Variants in MDGA2 observed in about 807,000 individuals in gnomAD.
MDGA2 encodes MAM domain-containing glycosylphosphatidylinositol anchor protein 2.
In MDGA2, 40 loss-of-function variants were observed where a neutral mutation model predicts 117.8. That is an observed-to-expected ratio of 0.34 (90% CI 0.26 to 0.44). The LOEUF is 0.44. MDGA2 is among the 20% of genes least tolerant of loss of function. The pLI, the probability that MDGA2 is intolerant of heterozygous loss-of-function variation, is 1.00. For missense variants in MDGA2, 1,123 were observed against 1,250.6 expected (o/e 0.90, Z 1.54); for synonymous variants, 452 against 439.0 (o/e 1.03, Z -0.37).
At chr14:47,133,974 T>G (rs1882332998) in intron 4 of MDGA2, among the ~76,000 whole-genome samples, 1 of 152,052 alleles carries the variant, frequency 6.6e-6, no homozygotes, top group East Asian at 1.9e-4. Flanking sequence ...ACCAATATTT[T>G]TTTCAGCTTT....
intron 8 of MDGA2, among the ~76,000 whole-genome samples, chr14:46,994,461 G>T (rs557610709): frequency 6.6e-6 from 1 of 151,780 alleles, no homozygotes; most frequent in South Asian, 2.1e-4. Flanking sequence ...CTAACTCCTG[G>T]GCAGAAGTGC....
At chr14:47,240,399 C>T (rs1042496826) in intron 2 of MDGA2, among the ~76,000 whole-genome samples, 1 of 151,556 alleles carries the variant, frequency 6.6e-6, no homozygotes. Context: ...TTTCTTGAAC[C>T]GGGTTATAGG....
At chr14:47,068,775 GA>G in intron 6 of MDGA2, among the ~76,000 whole-genome samples, 1 of 152,234 alleles carries the variant, frequency 6.6e-6, no homozygotes, top group South Asian at 2.1e-4. Flanking sequence ...AAATCCTTTT[GA>G]AAATAGTACA....
At chr14:47,241,109 C>T (rs1233093157) in intron 2 of MDGA2, among the ~76,000 whole-genome samples, 1 of 151,820 alleles carries the variant, frequency 6.6e-6, no homozygotes, top group Non-Finnish European at 1.5e-5. Context: ...AGGAGATGGG[C>T]TTTCAGAGTC....
At chr14:47,508,124 T>C (rs112374296) in intron 1 of MDGA2, among the ~76,000 whole-genome samples, 2 of 152,344 alleles carry the variant, frequency 1.3e-5, no homozygotes, top group African/African-American at 4.8e-5. Context: ...AACATAAGGA[T>C]AGCTACTTTT....
chr14:47,318,558 A>AT (rs1210664882), intron 1 of MDGA2, among the ~76,000 whole-genome samples: 6 of 152,118 alleles, frequency 3.9e-5, no homozygotes, highest in Admixed American at 3.9e-4. Context: ...TTTTACACAC[A>AT]TATCTGTGAT....
chr14:47,216,181 G>C (rs76587619), intron 3 of MDGA2, among the ~76,000 whole-genome samples: 4 of 152,184 alleles, frequency 2.6e-5, no homozygotes, highest in East Asian at 1.9e-4. Context: ...AAGGAAAAGA[G>C]AAAAATATTT....
intron 1 of MDGA2, among the ~76,000 whole-genome samples, chr14:47,625,882 T>C (rs1897130848): frequency 6.6e-6 from 1 of 152,248 alleles, no homozygotes; most frequent in Non-Finnish European, 1.5e-5. Flanking sequence ...CCCAATGACT[T>C]AGCCTTTGCC....
At position 46,916,777 on chromosome 14, in the gene MDGA2, T is replaced by A. The variant is rs117466653; in HGVS notation, c.2238+3235A>T. Among the ~76,000 whole-genome samples, 154 of 152,076 alleles carry A rather than the reference T, an allele frequency of 1.0e-3. 4 individuals are homozygous for A. In the East Asian group the frequency reaches 0.028, roughly 28 times the overall value. On this transcript the variant is annotated intron_variant, in intron 10 of 16. Transcript: ENST00000399232. ...TATTGAGACATCCCTGAAAGATACA[T>A]CAAAGTTTTCTCTCCCATGGAAAGA...
chr14:46,966,814 G>A (rs192388558), intron 8 of MDGA2, among the ~76,000 whole-genome samples: 67 of 151,434 alleles, frequency 4.4e-4, no homozygotes, highest in Non-Finnish European at 8.1e-4. Flanking sequence ...TAAATACTTA[G>A]TTCTAATATT....
intron 1 of MDGA2, among the ~76,000 whole-genome samples, chr14:47,379,334 C>A (rs1009311651): frequency 6.6e-6 from 1 of 152,168 alleles, no homozygotes; most frequent in African/African-American, 2.4e-5. Flanking sequence ...AACCAGTTAA[C>A]GTCATAATGA....
intron 1 of MDGA2, among the ~76,000 whole-genome samples, chr14:47,449,479 T>G (rs1893195019): frequency 6.6e-6 from 1 of 152,168 alleles, no homozygotes; most frequent in Non-Finnish European, 1.5e-5. Flanking sequence ...ACTGTTTTAT[T>G]TCAAAGGAGC....
chr14:47,100,824 G>A (rs549784024), intron 5 of MDGA2, among the ~76,000 whole-genome samples: 2 of 152,164 alleles, frequency 1.3e-5, no homozygotes, highest in African/African-American at 4.8e-5. Context: ...GTCAAATTGT[G>A]GCTCCAATTA....
At chr14:47,597,877 C>CAA (rs903050634) in intron 1 of MDGA2, among the ~76,000 whole-genome samples, 2 of 148,424 alleles carry the variant, frequency 1.3e-5, no homozygotes, top group Admixed American at 6.7e-5. Context: ...CACACACACA[C>CAA]ACACACAAAA....
At chr14:47,007,217 G>C (rs1320883113) in intron 8 of MDGA2, among the ~76,000 whole-genome samples, 1 of 151,786 alleles carries the variant, frequency 6.6e-6, no homozygotes, top group Non-Finnish European at 1.5e-5. Context: ...AGAGATACCT[G>C]ATGGTGAATA....
intron 8 of MDGA2, chr14:46,996,829 C>T (rs762335041): frequency 1.9e-5 from 4 of 205,136 alleles, no homozygotes; most frequent in Non-Finnish European, 3.0e-5. Context: ...TAACATCATG[C>T]CCCTCAAGGA....
chr14:47,609,718 G>A (rs892356698), intron 1 of MDGA2, among the ~76,000 whole-genome samples: 1 of 151,280 alleles, frequency 6.6e-6, no homozygotes, highest in Non-Finnish European at 1.5e-5. Context: ...GTGTAGAAGT[G>A]TTCCCCAATC....
At chr14:47,048,439 G>GA (rs1255016684) in intron 7 of MDGA2, among the ~76,000 whole-genome samples, 5 of 151,988 alleles carry the variant, frequency 3.3e-5, no homozygotes, top group Non-Finnish European at 5.9e-5. Context: ...AGAATGGCCA[G>GA]AAAAAATCAA....
intron 1 of MDGA2, among the ~76,000 whole-genome samples, chr14:47,427,592 A>G (rs1892716799): frequency 6.6e-6 from 1 of 152,180 alleles, no homozygotes; most frequent in South Asian, 2.1e-4. Flanking sequence ...CATTCTCAGT[A>G]GAAGCAAGAA....
Sources: allele counts gnomAD v4.1 joint callset (sites outside exome capture counted in the v4.1 genomes callset), GRCh38; gene constraint gnomAD v4.1.1; transcripts MANE v1.5; gene names NCBI Gene and HGNC (gene_info 2026-07-23, HGNC 2026-07-21).